The following ZC4H2 variants were observed in gnomAD, a reference collection of about 807,000 sequenced individuals.
The protein encoded by ZC4H2 is zinc finger C4H2 domain-containing protein.
For missense variants in ZC4H2, 137 were observed against 173.9 expected, an observed-to-expected ratio of 0.79 and a Z score of 1.19; for synonymous variants, 84 against 66.3, an observed-to-expected ratio of 1.27 and a Z score of -1.30.
At chrX:64,976,222 C>A (rs1931941764) in intron 1 of ZC4H2, 103 bp downstream of exon 1, 1 of 963,585 alleles carries the variant, frequency 1.0e-6, no homozygotes, top group Admixed American at 2.2e-5. Context: ...TGAATGGGCC[C>A]CTTTCCAGCT....
At chrX:64,981,583 A>T (rs1167746118) in intron 1 of ZC4H2, among the ~76,000 whole-genome samples, 1 of 111,168 alleles carries the variant, frequency 9.0e-6, no homozygotes, top group African/African-American at 3.3e-5. Context: ...GGTCAGTGCC[A>T]TTCACTGAAA....
At chrX:64,982,461 A>G (rs1018030760) in intron 1 of ZC4H2, among the ~76,000 whole-genome samples, 1 of 112,628 alleles carries the variant, frequency 8.9e-6, no homozygotes, top group African/African-American at 3.2e-5. Context: ...GGCATTGATT[A>G]CAGGTCAATA....
intron 1 of ZC4H2, among the ~76,000 whole-genome samples, chrX:64,989,524 A>C (rs745561369): frequency 8.9e-6 from 1 of 112,193 alleles, no homozygotes; most frequent in South Asian, 3.7e-4. Flanking sequence ...ATAATCCATA[A>C]AAGGAAAAGC....
intron 1 of ZC4H2, among the ~76,000 whole-genome samples, chrX:64,994,442 T>A (rs1932370316): frequency 8.9e-6 from 1 of 111,878 alleles, no homozygotes; most frequent in African/African-American, 3.2e-5. Context: ...CAAATAAAAA[T>A]TATATTTATA....
chrX:64,962,371 T>A (rs946851543), intron 1 of ZC4H2, among the ~76,000 whole-genome samples: 1 of 111,300 alleles, frequency 9.0e-6, no homozygotes, highest in Non-Finnish European at 1.9e-5. Flanking sequence ...CCTTTCCTGA[T>A]AGAAACTCTC....
chrX:64,990,642 C>T (rs1437351426), intron 1 of ZC4H2, among the ~76,000 whole-genome samples: 1 of 111,276 alleles, frequency 9.0e-6, no homozygotes, highest in Admixed American at 9.5e-5. Context: ...TTCAGCATTC[C>T]CTTAAAATTA....
intron 2 of ZC4H2, 106 bp downstream of exon 2, chrX:64,921,711 C>T (rs1337307641): frequency 4.4e-6 from 4 of 905,576 alleles, no homozygotes; most frequent in African/African-American, 2.0e-5. Flanking sequence ...TGCACTGATG[C>T]CTGCTCCCCG....
intron 1 of ZC4H2, among the ~76,000 whole-genome samples, chrX:64,939,614 C>T (rs937164971): frequency 3.6e-5 from 4 of 111,264 alleles, no homozygotes; most frequent in South Asian, 3.8e-4. Flanking sequence ...ACAGAGGCCT[C>T]GGAAATAACA....
intron 1 of ZC4H2, among the ~76,000 whole-genome samples, chrX:64,922,587 G>A (rs1929252789): frequency 1.8e-5 from 2 of 112,458 alleles, no homozygotes; most frequent in Admixed American, 9.4e-5. Context: ...GGCATTTAGT[G>A]GACATGGGCC....
chrX:64,939,278 G>C (rs1251568271), intron 1 of ZC4H2, among the ~76,000 whole-genome samples: 1 of 111,805 alleles, frequency 8.9e-6, no homozygotes, highest in Non-Finnish European at 1.9e-5. Flanking sequence ...ACTGCTCAAG[G>C]AAATAAGAGA....
chrX:65,029,433 C>T (rs755064540), intron 1 of ZC4H2, among the ~76,000 whole-genome samples: 4 of 111,566 alleles, frequency 3.6e-5, no homozygotes, highest in African/African-American at 6.5e-5. Flanking sequence ...AAGATAACCA[C>T]TTTTGAGACC....
At chrX:64,973,518 T>A (rs1431543530) in intron 1 of ZC4H2, among the ~76,000 whole-genome samples, 1 of 109,626 alleles carries the variant, frequency 9.1e-6, no homozygotes, top group African/African-American at 3.3e-5. Context: ...CCTCTACATA[T>A]GCTGAGACCA....
At chrX:65,002,295 A>T (rs1210350729) in intron 1 of ZC4H2, among the ~76,000 whole-genome samples, 2 of 111,178 alleles carry the variant, frequency 1.8e-5, no homozygotes, top group African/African-American at 6.5e-5. Flanking sequence ...TTAAAAACTC[A>T]CTCAAAACTG....
At chrX:64,976,873 T>C (rs925815787), upstream of ZC4H2, among the ~76,000 whole-genome samples, 2 of 105,080 alleles carry the variant, frequency 1.9e-5, no homozygotes, top group African/African-American at 3.5e-5. Flanking sequence ...TTTGGAGACG[T>C]TGAATGTGCT....
At chrX:65,022,575 A>C in intron 1 of ZC4H2, among the ~76,000 whole-genome samples, 1 of 112,076 alleles carries the variant, frequency 8.9e-6, no homozygotes, top group Non-Finnish European at 1.9e-5. Context: ...TATCATACTG[A>C]ATGGGTAAAA....
chrX:64,927,658 T>G (rs190176679), intron 1 of ZC4H2, among the ~76,000 whole-genome samples: 84 of 112,277 alleles, frequency 7.5e-4, no homozygotes, highest in East Asian at 5.9e-3. Flanking sequence ...GTAATGGAAT[T>G]GCTGGGTCAA....
chrX:65,015,916 C>T (rs773866111), intron 1 of ZC4H2, among the ~76,000 whole-genome samples: 1 of 110,463 alleles, frequency 9.1e-6, no homozygotes, highest in Non-Finnish European at 1.9e-5. Context: ...AAACACATTC[C>T]CCTCTATTAT....
upstream of ZC4H2, among the ~76,000 whole-genome samples, chrX:64,980,523 A>G (rs1292235026): frequency 8.9e-6 from 1 of 112,188 alleles, no homozygotes; most frequent in African/African-American, 3.2e-5. Context: ...CAAACAGCCA[A>G]CAAATATTTA....
intron 3 of ZC4H2, chrX:64,919,450 C>A: frequency 2.8e-6 from 1 of 351,288 alleles, no homozygotes; most frequent in Non-Finnish European, 4.9e-6. Context: ...TAGCAAGATC[C>A]TTAAAGGGTA....
Sources: gnomAD v4.1 joint callset for allele counts (sites outside exome capture counted in the v4.1 genomes callset) on GRCh38, gnomAD v4.1.1 for gene constraint, MANE v1.5 for transcripts, NCBI Gene and HGNC (gene_info 2026-07-23, HGNC 2026-07-21) for gene names.